The following CHRM5 variants were observed in gnomAD, a reference collection of about 807,000 sequenced individuals.
CHRM5 encodes the protein muscarinic acetylcholine receptor M5.
CHRM5 carries 18 observed loss-of-function variants against 39.0 expected under a neutral mutation model. That is an observed-to-expected ratio of 0.46 (90% CI 0.32 to 0.68). The LOEUF (loss-of-function observed/expected upper bound fraction) is 0.68, where lower values mean the gene tolerates loss of function less well. Ranked by LOEUF, CHRM5 falls within the 30% of genes least tolerant of loss-of-function variation. The pLI is 0.04. For missense variants in CHRM5, 515 were observed against 651.1 expected, an observed-to-expected ratio of 0.79 and a Z score of 2.28; for synonymous variants, 241 against 246.3, an observed-to-expected ratio of 0.98 and a Z score of 0.20.
chr15:33,978,914 G>A (rs1022010575), intron 1 of CHRM5, among the ~76,000 whole-genome samples: 1 of 130,388 alleles, frequency 7.7e-6, no homozygotes, highest in Non-Finnish European at 1.7e-5. Flanking sequence ...AGAGGAAAGA[G>A]ATGTATGTCC....
chr15:34,034,272 G>A (rs1899007875), intron 1 of CHRM5, among the ~76,000 whole-genome samples: 1 of 151,998 alleles, frequency 6.6e-6, no homozygotes. Context: ...GTGAGACCAT[G>A]TCTACAAAAT....
chr15:33,976,832 C>G (rs1019815433), intron 1 of CHRM5, among the ~76,000 whole-genome samples: 1 of 152,182 alleles, frequency 6.6e-6, no homozygotes, highest in Non-Finnish European at 1.5e-5. Context: ...AAACAAACAT[C>G]CTAGGCATAG....
rs369225100 is a variant in CHRM5, at chr15:34,064,336, G to A, written c.*20G>A. ...CCCTGAAAAGTCAACAACTCCTCTC[G>A]AAAGAACAATGACCACAGTCAACAT... is the stretch of plus-strand genomic sequence containing the variant. On this transcript the variant is annotated 3_prime_UTR_variant, in exon 3 of 3. Coordinates refer to ENST00000383263, the MANE Select transcript of CHRM5 (RefSeq NM_012125.4). The A allele has an allele frequency of 1.8e-4, 281 of 1,594,886 alleles. No homozygotes were observed. Among genetic ancestry groups the A allele is most frequent in the South Asian group, 2.4e-4 (21 of 87,356 alleles).
At chr15:34,031,168 ATTTT>A (rs34414446) in intron 1 of CHRM5, among the ~76,000 whole-genome samples, 1 of 67,590 alleles carries the variant, frequency 1.5e-5, no homozygotes, top group African/African-American at 6.0e-5. Context: ...GCTTAGGTTA[ATTTT>A]TTTTTTTTTT....
At chr15:33,996,359 A>C (rs1896932451) in intron 1 of CHRM5, among the ~76,000 whole-genome samples, 1 of 152,136 alleles carries the variant, frequency 6.6e-6, no homozygotes, top group Non-Finnish European at 1.5e-5. Flanking sequence ...GAGTTCTGAG[A>C]ACCGACAGAC....
At chr15:33,973,020 T>C (rs77167299) in intron 1 of CHRM5, among the ~76,000 whole-genome samples, 2,789 of 152,334 alleles carry the variant, frequency 0.018, 48 homozygotes, top group South Asian at 0.064. Flanking sequence ...TACTGGTTCA[T>C]TACAACCAAT....
chr15:34,013,565 C>G (rs2632074), intron 1 of CHRM5, among the ~76,000 whole-genome samples: 151,187 of 152,350 alleles, frequency 0.99, 75,028 homozygotes, highest in Middle Eastern at 1. Flanking sequence ...TAGTTACTGA[C>G]TTCCAGCACT....
At chr15:34,045,871 A>G (rs927053012) in intron 1 of CHRM5, among the ~76,000 whole-genome samples, 23 of 152,236 alleles carry the variant, frequency 1.5e-4, no homozygotes, top group Non-Finnish European at 2.9e-4. Context: ...GCAGAGAACA[A>G]GAAACAATCG....
intron 2 of CHRM5, among the ~76,000 whole-genome samples, chr15:34,047,366 C>T (rs1190863845): frequency 1.3e-4 from 20 of 152,134 alleles, no homozygotes; most frequent in Non-Finnish European, 5.9e-5. Flanking sequence ...CGTGAGCCAC[C>T]GTGCCCGGCG....
chr15:33,997,763 T>C (rs1896996241), intron 1 of CHRM5, among the ~76,000 whole-genome samples: 1 of 152,198 alleles, frequency 6.6e-6, no homozygotes, highest in African/African-American at 2.4e-5. Flanking sequence ...TTTCCCTCTC[T>C]CATTTCATTG....
intron 1 of CHRM5, among the ~76,000 whole-genome samples, chr15:34,032,160 T>C (rs1217937272): frequency 6.6e-6 from 1 of 152,198 alleles, no homozygotes; most frequent in African/African-American, 2.4e-5. Flanking sequence ...TATTGCTCCC[T>C]TTGATACTTC....
intron 1 of CHRM5, among the ~76,000 whole-genome samples, chr15:33,989,736 T>G (rs1896636808): frequency 6.6e-6 from 1 of 152,082 alleles, no homozygotes; most frequent in African/African-American, 2.4e-5. Context: ...GTAAAGAGAA[T>G]TTATCAACTT....
chr15:33,994,050 C>G (rs1896835891), intron 1 of CHRM5, among the ~76,000 whole-genome samples: 1 of 152,216 alleles, frequency 6.6e-6, no homozygotes, highest in Admixed American at 6.5e-5. Flanking sequence ...TGGAGTTTCT[C>G]TAGAACAGGG....
In CHRM5 at chr15:34,027,401, C is replaced by T. The variant is rs190952079; in HGVS notation, c.-407-19139C>T. Among the ~76,000 whole-genome samples the T allele has an allele frequency of 2.4e-3, 366 of 151,958 alleles. 2 individuals are homozygous for T. The highest frequency in any genetic ancestry group is 7.2e-3 in the Admixed American group (110 of 15,252). On this transcript the variant is annotated intron_variant, in intron 1 of 2. Transcript: ENST00000383263. The stretch of plus-strand genomic sequence containing the variant: ...AAAAACAGCCAGGCGTGTTGGTGGG[C>T]ACCTGTAATCCCAGCTACACAGGAG...
rs75690421 is a variant in CHRM5 at position 34,025,757 on chromosome 15, C to T, written c.-407-20783C>T. On this transcript the variant is annotated intron_variant, in intron 1 of 2. Transcript: ENST00000383263. ...GTGTTTTTGTTTTGGTTTGGTTTTGCGTGTGTGTGTGTGTTTGTGTGTGTG... is the reference window on the plus strand; with the variant it reads ...GTGTTTTTGTTTTGGTTTGGTTTTGTGTGTGTGTGTGTGTTTGTGTGTGTG... Among the ~76,000 whole-genome samples the T allele has an allele frequency of 6.5e-3, 862 of 133,060 alleles. 4 individuals carry two copies. Among genetic ancestry groups the T allele is most frequent in the Non-Finnish European group, 9.7e-3 (560 of 57,648 alleles). 87.3% of individuals were successfully genotyped at this position (133,060 alleles called of 152,430 possible).
chr15:33,979,593 A>C (rs1896045321), intron 1 of CHRM5, among the ~76,000 whole-genome samples: 1 of 152,224 alleles, frequency 6.6e-6, no homozygotes, highest in African/African-American at 2.4e-5. Flanking sequence ...GTTAAACCTC[A>C]ACCTTTATGA....
chr15:34,020,434 A>G (rs1898154508), intron 1 of CHRM5, among the ~76,000 whole-genome samples: 2 of 152,260 alleles, frequency 1.3e-5, no homozygotes, highest in South Asian at 4.1e-4. Context: ...CAAATTAGAA[A>G]TTTGGTTGAA....
At chr15:34,000,064 T>C (rs1291911149) in intron 1 of CHRM5, among the ~76,000 whole-genome samples, 1 of 152,162 alleles carries the variant, frequency 6.6e-6, no homozygotes, top group Non-Finnish European at 1.5e-5. Flanking sequence ...GAGCTTGCTA[T>C]TCCCTTTGCC....
intron 2 of CHRM5, among the ~76,000 whole-genome samples, chr15:34,053,467 G>A (rs1284449224): frequency 5.3e-5 from 8 of 151,338 alleles, no homozygotes; most frequent in Non-Finnish European, 7.4e-5. Context: ...CATGGTAATG[G>A]TACAAAAATA....
Sources: gnomAD v4.1 joint callset for allele counts (sites outside exome capture counted in the v4.1 genomes callset) on GRCh38, gnomAD v4.1.1 for gene constraint, MANE v1.5 for transcripts, NCBI Gene and HGNC (gene_info 2026-07-23, HGNC 2026-07-21) for gene names.